BEND3: variants seen among roughly 807,000 people sequenced by gnomAD.
BEND3 encodes BEN domain containing 3.
BEND3 carries 13 observed loss-of-function variants against 60.1 expected under a neutral mutation model. The observed-to-expected ratio is 0.22, with a 90% CI of 0.14 to 0.34. BEND3 has a LOEUF of 0.34. Among genes scored for constraint, BEND3 ranks in the 10% least tolerant of loss-of-function variants. The pLI is 1.00. For missense variants in BEND3, 896 were observed against 1,138.1 expected (o/e 0.79, Z 3.06); for synonymous variants, 497 against 491.5 (o/e 1.01, Z -0.15).
At position 107,069,064 on chromosome 6, in the gene BEND3, G is replaced by A. The variant is rs781985199; in HGVS notation, c.2127C>T (p.Pro709=). The change falls in exon 4 of 4, where the codon CCC becomes CCT. Residue 709 remains proline (P), a synonymous_variant. Coordinates refer to ENST00000369042, the MANE Select transcript of BEND3 (RefSeq NM_001367314.1). ...CKIPLDELVV[P]SPDFPVPSPY... Reference sequence around the variant, plus strand: ...GAGAAGGCACCGGGAAGTCAGGCGAGGGGACCACCAGCTCGTCCAAGGGGA... The same window carrying A: ...GAGAAGGCACCGGGAAGTCAGGCGAAGGGACCACCAGCTCGTCCAAGGGGA... 3 of 1,613,434 alleles carry A rather than the reference G, an allele frequency of 1.9e-6. No homozygotes were observed. The highest frequency in any genetic ancestry group is 1.7e-4 in the Middle Eastern group (1 of 6,018).
intron 3 of BEND3, among the ~76,000 whole-genome samples, chr6:107,094,576 G>A (rs762313823): frequency 1.6e-4 from 24 of 151,816 alleles, no homozygotes; most frequent in Non-Finnish European, 3.2e-4. Context: ...AGCTGAGATC[G>A]CGCCATTGCA....
intron 3 of BEND3, among the ~76,000 whole-genome samples, chr6:107,087,494 T>C (rs1775377434): frequency 6.6e-6 from 1 of 152,120 alleles, no homozygotes; most frequent in African/African-American, 2.4e-5. Flanking sequence ...GCGCAAGCAC[T>C]TTAGGAGGCC....
chr6:107,085,962 T>C (rs1775338043), intron 3 of BEND3, among the ~76,000 whole-genome samples: 1 of 151,114 alleles, frequency 6.6e-6, no homozygotes, highest in African/African-American at 2.4e-5. Flanking sequence ...AATTTTTTCA[T>C]ATTTTTAGTA....
chr6:107,082,273 C>A (rs975199859), intron 3 of BEND3, among the ~76,000 whole-genome samples: 1 of 152,040 alleles, frequency 6.6e-6, no homozygotes, highest in Non-Finnish European at 1.5e-5. Flanking sequence ...GGATAATGTA[C>A]GTAAAGGGAA....
Position 107,069,321 on chromosome 6 carries a change from G to A in BEND3, c.1870C>T (p.Arg624Cys), listed in dbSNP as rs782456273. The A allele has an allele frequency of 3.7e-6, 6 of 1,613,172 alleles. No homozygotes were observed. Among genetic ancestry groups the A allele is most frequent in the Admixed American group, 3.3e-5 (2 of 59,950 alleles). The change falls in exon 4 of 4, where the codon CGC becomes TGC. Residue 624 changes from arginine (R) to cysteine (C), a missense_variant. By Grantham distance (180) the Arg-to-Cys change is radical. Transcript: ENST00000369042. ...GTCCAGACGCGGTCGTTTTTGGCGC[G>A]TGGGTAGAGCAGCTGCACGTAGTGG... ...IRHYVQLLYP[R>C]AKNDRVWTLE...
In BEND3 at chr6:107,080,348, C is replaced by T. The variant is rs189125861; in HGVS notation, c.241-9398G>A. Among the ~76,000 whole-genome samples, 85 of 110,176 alleles carry T rather than the reference C, an allele frequency of 7.7e-4. No individual in the cohort carries two copies. The South Asian group carries it at 0.022, about 28-fold the overall frequency. 72.3% of individuals were successfully genotyped at this position (110,176 alleles called of 152,430 possible). On this transcript the variant is annotated intron_variant, in intron 3 of 3. Transcript: ENST00000369042. ...CCAGCCTGAGCCACAGAATGAGATC[C>T]CATCTCAAAAAAAAAAAAAAAAAAA...
intron 3 of BEND3, among the ~76,000 whole-genome samples, chr6:107,076,422 G>A (rs1554232783): frequency 6.6e-6 from 1 of 152,104 alleles, no homozygotes; most frequent in African/African-American, 2.4e-5. Flanking sequence ...ACCAGCACCC[G>A]TAGAACCCAG....
chr6:107,085,376 C>T (rs918892124), intron 3 of BEND3, among the ~76,000 whole-genome samples: 6 of 152,166 alleles, frequency 3.9e-5, no homozygotes, highest in Non-Finnish European at 8.8e-5. Flanking sequence ...GTTCTCACAG[C>T]GAATATTAGA....
chr6:107,102,493 T>A (rs1035421076), intron 1 of BEND3, among the ~76,000 whole-genome samples: 2 of 152,170 alleles, frequency 1.3e-5, no homozygotes, highest in African/African-American at 4.8e-5. Flanking sequence ...AGAGGGCTCA[T>A]GCAGCTGAGG....
At position 107,069,481 on chromosome 6, in the gene BEND3, G is replaced by A. The variant is rs782141978; in HGVS notation, c.1710C>T (p.Ile570=). The change falls in exon 4 of 4, where the codon ATC becomes ATT. Residue 570 remains isoleucine, a synonymous_variant. Coordinates refer to ENST00000369042, the MANE Select transcript of BEND3 (RefSeq NM_001367314.1). ...CCAGCAGGCGCGAGGCGAAGTTGCC[G>A]ATGGACAGGCTGCTCTCGTAGATGC... is the stretch of plus-strand genomic sequence containing the variant. The part of the protein sequence containing the change: ...LRSIYESSLS[I]GNFASRLLVH... 24 of 1,612,716 alleles carry A rather than the reference G, an allele frequency of 1.5e-5. No individual in the cohort carries two copies. Among genetic ancestry groups the A allele is most frequent in the Middle Eastern group, 1.6e-4 (1 of 6,084 alleles).
intron 3 of BEND3, among the ~76,000 whole-genome samples, chr6:107,081,546 T>G (rs1554233559): frequency 6.6e-6 from 1 of 152,140 alleles, no homozygotes; most frequent in Non-Finnish European, 1.5e-5. Flanking sequence ...AAACACGATT[T>G]CCCCTTCAGA....
At chr6:107,082,647 T>A (rs377675695) in intron 3 of BEND3, among the ~76,000 whole-genome samples, 11 of 152,298 alleles carry the variant, frequency 7.2e-5, no homozygotes, top group African/African-American at 2.2e-4. Context: ...TAGGCTGGTC[T>A]GGAACTCCTG....
chr6:107,110,807 G>T (rs1187451403), intron 1 of BEND3, among the ~76,000 whole-genome samples: 3 of 151,630 alleles, frequency 2.0e-5, no homozygotes, highest in African/African-American at 4.8e-5. Context: ...CACCCACCTC[G>T]GCCTCCCAAA....
chr6:107,080,280 G>A lies in BEND3; in HGVS notation c.241-9330C>T, dbSNP rs1318238733. Among the ~76,000 whole-genome samples the A allele has an allele frequency of 2.0e-5, 3 of 148,798 alleles. No homozygotes were observed. In the Admixed American group the frequency reaches 2.0e-4, roughly 10 times the overall value. ...TGAGGTGAGGGGATTGCTTAAGCCC[G>A]GGAGGTCGAGGCGGCAATGAACCAG... On this transcript the variant is annotated intron_variant, in intron 3 of 3. Coordinates refer to ENST00000369042, the MANE Select transcript of BEND3 (RefSeq NM_001367314.1).
In BEND3 at chr6:107,071,080, T is replaced by G. The variant is rs1421995786; in HGVS notation, c.241-130A>C. The G allele has an allele frequency of 8.6e-6, 7 of 818,390 alleles. No individual in the cohort carries two copies. The African/African-American group carries it at 1.2e-4, about 14-fold the overall frequency. 50.7% of individuals were successfully genotyped at this position (818,390 alleles called of 1,614,324 possible). A position where few individuals can be genotyped will look rare whatever the true frequency, so the allele number is the denominator to read the frequency against. The stretch of plus-strand genomic sequence containing the variant: ...CATGTAAGAAACTGATTCCTCACCC[T>G]GAATCACTCTGTCATCCAAGGATGC... On this transcript the variant is annotated intron_variant, in intron 3 of 3. Transcript: ENST00000369042.
rs1448866690 is a variant in BEND3 at position 107,115,514 on chromosome 6, G to A, written c.-436C>T. Among the ~76,000 whole-genome samples the A allele has an allele frequency of 2.0e-4, 29 of 147,070 alleles. No homozygotes were observed. The highest frequency in any genetic ancestry group is 6.3e-4 in the African/African-American group (26 of 40,970). On this transcript the variant is annotated 5_prime_UTR_variant, in exon 1 of 4. Coordinates refer to ENST00000369042, the MANE Select transcript of BEND3 (RefSeq NM_001367314.1). ...CGGCCCGGCGCGCTCGGCCAGCGCA[G>A]TGGCTCCACGTGGGCCCGCGCTGGC...
rs375417124 is a variant in BEND3, at chr6:107,093,789, C to T, written c.240+4762G>A. 6.0e-4 allele frequency among the ~76,000 whole-genome samples: 92 copies of T among 152,214 alleles called. 1 individual carries two copies. The highest frequency in any genetic ancestry group is 2.0e-3 in the African/African-American group (81 of 41,530). The stretch of plus-strand genomic sequence containing the variant: ...TGTAAAATGAAAAACTATAAAACAC[C>T]TAGAAGATAACATCAGAGAAAACAT... On this transcript the variant is annotated intron_variant, in intron 3 of 3. Transcript: ENST00000369042.
In BEND3 at chr6:107,068,633, A is replaced by G. The variant is rs1554231200; in HGVS notation, c.*71T>C. ...GGATGCCATAGGCGTGCTCCCAAGT[A>G]TTGCTCAGTCCCAAGGGTGCCCATC... On this transcript the variant is annotated 3_prime_UTR_variant, in exon 4 of 4. Coordinates refer to ENST00000369042, the MANE Select transcript of BEND3 (RefSeq NM_001367314.1). The surrounding 1 kb of genome is among the most constrained non-coding windows in gnomAD (Gnocchi z 5.8). The G allele has an allele frequency of 6.5e-7, 1 of 1,526,970 alleles. No homozygotes were observed. Among genetic ancestry groups the G allele is most frequent in the African/African-American group, 1.4e-5 (1 of 72,710 alleles). 94.6% of individuals were successfully genotyped at this position (1,526,970 alleles called of 1,614,324 possible). A position where few individuals can be genotyped will look rare whatever the true frequency, so the allele number is the denominator to read the frequency against.
chr6:107,084,193 G>C (rs1426472179), intron 3 of BEND3, among the ~76,000 whole-genome samples: 1 of 152,230 alleles, frequency 6.6e-6, no homozygotes, highest in Non-Finnish European at 1.5e-5. Flanking sequence ...CCAGAGAGCA[G>C]ACTTCCACAG....
Sources: allele counts gnomAD v4.1 joint callset (sites outside exome capture counted in the v4.1 genomes callset), GRCh38; gene constraint gnomAD v4.1.1; non-coding constraint Gnocchi (gnomAD v3.1); transcripts MANE v1.5; gene names NCBI Gene and HGNC (gene_info 2026-07-23, HGNC 2026-07-21).